Variants in REC114 observed in about 807,000 individuals in gnomAD.
REC114 encodes the protein meiotic recombination protein REC114.
REC114 carries 27 observed loss-of-function variants against 31.3 expected under a neutral mutation model. That is an observed-to-expected ratio of 0.86 (90% confidence interval 0.64 to 1.19). The LOEUF (loss-of-function observed/expected upper bound fraction) is 1.19, where lower values mean the gene tolerates loss of function less well. Ranked by LOEUF, REC114 falls within the 50% of genes most tolerant of loss-of-function variation. The probability of loss-of-function intolerance (pLI) is 0.00; values close to 1 mark genes in which losing one functional copy is unlikely to be tolerated. For missense variants in REC114, 344 were observed against 326.9 expected (o/e 1.05, Z -0.40); for synonymous variants, 134 against 127.7 (o/e 1.05, Z -0.33).
intron 3 of REC114, 45 bp downstream of exon 3, chr15:73,540,613 T>C: frequency 6.5e-7 from 1 of 1,526,720 alleles, no homozygotes. Flanking sequence ...CTTCTATGTG[T>C]GTATGTTGGG....
At chr15:73,558,103 G>A (rs1413173845) in intron 5 of REC114, among the ~76,000 whole-genome samples, 1 of 152,142 alleles carries the variant, frequency 6.6e-6, no homozygotes. Flanking sequence ...ACTTTGGGGG[G>A]CTGAGGCAGG....
At position 73,551,160 on chromosome 15, in the gene REC114, CTGA is replaced by C. The variant is rs1275744122; in HGVS notation, c.546+13_546+15del. 1.3e-6 allele frequency: 2 copies of C among 1,587,954 alleles called. No homozygotes were observed. Among genetic ancestry groups the C allele is most frequent in the Non-Finnish European group, 8.6e-7 (1 of 1,167,034 alleles). On this transcript the variant is annotated intron_variant, in intron 4 of 5. Coordinates refer to ENST00000331090, the MANE Select transcript of REC114 (RefSeq NM_001042367.2). ...CCCACGGCAGCCTGGAGTAAGTAGG[CTGA>C]TGTGTTGGTTATACAGGAAACATGA...
At chr15:73,481,952 C>A (rs1893301046) in intron 2 of REC114, among the ~76,000 whole-genome samples, 1 of 152,138 alleles carries the variant, frequency 6.6e-6, no homozygotes. Flanking sequence ...AGCCACTGCG[C>A]CTGGCCTATC....
intron 2 of REC114, among the ~76,000 whole-genome samples, chr15:73,538,698 G>A (rs967542264): frequency 1.2e-4 from 18 of 151,824 alleles, no homozygotes; most frequent in Non-Finnish European, 1.9e-4. Flanking sequence ...CTCGTGATCC[G>A]CCTGCCTCGG....
chr15:73,545,651 T>G (rs996180568), intron 3 of REC114, among the ~76,000 whole-genome samples: 2 of 152,222 alleles, frequency 1.3e-5, no homozygotes, highest in African/African-American at 2.4e-5. Context: ...CTGTTGCTTT[T>G]TTGGAATTAT....
chr15:73,488,981 A>T (rs1383282216), intron 2 of REC114, among the ~76,000 whole-genome samples: 1 of 152,144 alleles, frequency 6.6e-6, no homozygotes, highest in Non-Finnish European at 1.5e-5. Context: ...AATGTCACAG[A>T]CTGGGTAATT....
intron 2 of REC114, among the ~76,000 whole-genome samples, chr15:73,513,092 T>C (rs901275647): frequency 2.7e-5 from 4 of 147,626 alleles, no homozygotes; most frequent in African/African-American, 5.0e-5. Flanking sequence ...CAATCAGACG[T>C]AGATTTGGTC....
At chr15:73,460,976 GAC>G (rs1441132671) in intron 1 of REC114, among the ~76,000 whole-genome samples, 1 of 152,078 alleles carries the variant, frequency 6.6e-6, no homozygotes, top group Non-Finnish European at 1.5e-5. Flanking sequence ...GGTTTAAAAA[GAC>G]TGGATAATTT....
At chr15:73,544,340 A>G (rs1406180724) in intron 3 of REC114, among the ~76,000 whole-genome samples, 1 of 152,146 alleles carries the variant, frequency 6.6e-6, no homozygotes, top group East Asian at 1.9e-4. Context: ...CTTGGCTTGG[A>G]TAACTTTTAG....
Position 73,559,978 on chromosome 15 carries a change from TTAAAGAAGATATTAGAA to T in REC114, c.*69_*85del. On this transcript the variant is annotated 3_prime_UTR_variant, in exon 6 of 6. Transcript: ENST00000331090. Reference sequence around the variant, plus strand: ...TATTGAAAAATGCTTCCTCCTAAAATTAAAGAAGATATTAGAATAAAGAGTATTATCCAAACACCTTT... The same window carrying T: ...TATTGAAAAATGCTTCCTCCTAAAATTAAAGAGTATTATCCAAACACCTTT... 4 of 1,408,612 alleles carry T rather than the reference TTAAAGAAGATATTAGAA, an allele frequency of 2.8e-6. No individual in the cohort carries two copies. The highest frequency in any genetic ancestry group is 3.8e-6 in the Non-Finnish European group (4 of 1,042,506). 87.3% of individuals were successfully genotyped at this position (1,408,612 alleles called of 1,614,324 possible). A position where few individuals can be genotyped will look rare whatever the true frequency, so the allele number is the denominator to read the frequency against.
In REC114 at chr15:73,449,010, G is replaced by A. The variant is rs767603096; in HGVS notation, c.159+5666G>A. Among the ~76,000 whole-genome samples, 4 of 152,120 alleles carry A rather than the reference G, an allele frequency of 2.6e-5. No individual in the cohort carries two copies. The East Asian group carries it at 5.8e-4, about 22-fold the overall frequency. Reference sequence around the variant, plus strand: ...CCAAAGGTCACCAACATCAAAGACCGAAGATAGATAAATCCACGAAGATGA... The same window carrying A: ...CCAAAGGTCACCAACATCAAAGACCAAAGATAGATAAATCCACGAAGATGA... On this transcript the variant is annotated intron_variant, in intron 1 of 5. Coordinates refer to ENST00000331090, the MANE Select transcript of REC114 (RefSeq NM_001042367.2).
intron 2 of REC114, among the ~76,000 whole-genome samples, chr15:73,507,190 T>C (rs1457208083): frequency 6.6e-6 from 1 of 152,230 alleles, no homozygotes; most frequent in Non-Finnish European, 1.5e-5. Flanking sequence ...ATAAACAGAC[T>C]GTCCACAGAA....
In REC114 at chr15:73,480,101, G is replaced by C. The variant is rs150288062; in HGVS notation, c.249+6180G>C. Among the ~76,000 whole-genome samples the C allele has an allele frequency of 2.7e-3, 404 of 152,110 alleles. 2 individuals are homozygous for C. Among genetic ancestry groups the C allele is most frequent in the African/African-American group, 9.4e-3 (390 of 41,526 alleles). On this transcript the variant is annotated intron_variant, in intron 2 of 5. Transcript: ENST00000331090. ...CTCCATATTCTCACCAATACCTCTT[G>C]TCTTCTGTCTCTTTAATAGTAGCCA...
At chr15:73,523,330 G>A (rs1036518116) in intron 2 of REC114, among the ~76,000 whole-genome samples, 4 of 152,168 alleles carry the variant, frequency 2.6e-5, no homozygotes, top group African/African-American at 9.6e-5. Context: ...AAAAAAAAAG[G>A]GGGAAATGAG....
intron 1 of REC114, among the ~76,000 whole-genome samples, chr15:73,457,415 G>C (rs150217588): frequency 6.6e-6 from 1 of 152,130 alleles, no homozygotes; most frequent in Non-Finnish European, 1.5e-5. Context: ...TCTTCCCTTC[G>C]TACAGGTCTC....
chr15:73,538,092 A>G (rs1894183534), intron 2 of REC114, among the ~76,000 whole-genome samples: 3 of 152,228 alleles, frequency 2.0e-5, no homozygotes, highest in Admixed American at 2.0e-4. Flanking sequence ...TAAAAATGGA[A>G]TTTTAAATTT....
intron 1 of REC114, among the ~76,000 whole-genome samples, chr15:73,449,346 A>G (rs1306906224): frequency 6.6e-6 from 1 of 152,156 alleles, no homozygotes; most frequent in East Asian, 1.9e-4. Context: ...AACTTCATGA[A>G]GCATACACAA....
intron 2 of REC114, among the ~76,000 whole-genome samples, chr15:73,527,628 C>G (rs1894024834): frequency 6.6e-6 from 1 of 152,158 alleles, no homozygotes; most frequent in African/African-American, 2.4e-5. Context: ...GTCCAGTTTT[C>G]TAGTTGTTTA....
intron 2 of REC114, among the ~76,000 whole-genome samples, chr15:73,536,687 C>T (rs533130221): frequency 6.6e-6 from 1 of 152,240 alleles, no homozygotes; most frequent in South Asian, 2.1e-4. Flanking sequence ...TGGTTAGACA[C>T]ACAGGCTTCT....
Sources: allele counts gnomAD v4.1 joint callset (sites outside exome capture counted in the v4.1 genomes callset), GRCh38; gene constraint gnomAD v4.1.1; transcripts MANE v1.5; gene names NCBI Gene and HGNC (gene_info 2026-07-23, HGNC 2026-07-21).